Variants in USP33 observed in about 807,000 individuals in gnomAD.
USP33 encodes the protein ubiquitin specific peptidase 33, also known as ubiquitin carboxyl-terminal hydrolase 33.
A neutral mutation model predicts 124.2 loss-of-function variants in USP33; 46 were observed. The ratio of observed to expected loss-of-function variants is 0.37; its 90% confidence interval spans 0.29 to 0.47. The LOEUF (loss-of-function observed/expected upper bound fraction) is 0.47, where lower values mean the gene tolerates loss of function less well. USP33 is among the 20% of genes least tolerant of loss of function. The probability of loss-of-function intolerance (pLI) is 0.99; values close to 1 mark genes in which losing one functional copy is unlikely to be tolerated. For synonymous variants in USP33, 350 were observed against 352.3 expected, an observed-to-expected ratio of 0.99 and a Z score of 0.07; for missense variants, 851 against 1,070.6, an observed-to-expected ratio of 0.79 and a Z score of 2.86.
chr1:77,709,418 G>A (rs1674984487), intron 21 of USP33, among the ~76,000 whole-genome samples: 1 of 152,118 alleles, frequency 6.6e-6, no homozygotes, highest in Admixed American at 6.6e-5. Context: ...GGGATGCTGA[G>A]GCAGGAGGAT....
chr1:77,720,970 A>G (rs1676500500), intron 15 of USP33, among the ~76,000 whole-genome samples: 1 of 152,178 alleles, frequency 6.6e-6, no homozygotes, highest in Non-Finnish European at 1.5e-5. Flanking sequence ...ATACTCTCTC[A>G]CATCTTAATA....
chr1:77,711,896 T>G (rs995780180), intron 20 of USP33, 41 bp from the exon 21 acceptor site: 4 of 1,562,440 alleles, frequency 2.6e-6, no homozygotes, highest in African/African-American at 1.4e-5. Context: ...TCTAGGAAGT[T>G]TGTTTCTAAC....
At position 77,728,335 on chromosome 1, in the gene USP33, GTTGT is replaced by G; in HGVS notation, c.1091_1094del (p.Asn364ThrfsTer95). 1.2e-6 allele frequency: 2 copies of G among 1,605,684 alleles called. No homozygotes were observed. The highest frequency in any genetic ancestry group is 1.7e-6 in the Non-Finnish European group (2 of 1,177,418). On this transcript the variant is annotated frameshift_variant, in exon 10 of 24. Transcript: ENST00000370794. LOFTEE classifies it high-confidence loss of function. ...GTATTTGCACTTTGACAGTTTCCTGGTTGTTTAAGTCGACTGTTTCAGATATAGA... is the reference window on the plus strand; with the variant it reads ...GTATTTGCACTTTGACAGTTTCCTGGTTAAGTCGACTGTTTCAGATATAGA...
In USP33 at chr1:77,728,658, C is replaced by G; in HGVS notation, c.772G>C (p.Glu258Gln). 8 of 1,613,862 alleles carry G rather than the reference C, an allele frequency of 5.0e-6. No individual in the cohort carries two copies. Among genetic ancestry groups the G allele is most frequent in the Non-Finnish European group, 6.8e-6 (8 of 1,179,978 alleles). ...LMDLLHEELK[E>Q]QVMEVEEDPQ... ...TCTTCTTCTACTTCCATGACTTGCT[C>G]TTTCAATTCTTCATGAAGCAAATCC... Residue 258 changes from glutamate to glutamine, a missense_variant, in exon 10 of 24, where the codon GAG becomes CAG. Glu to Gln is a conservative substitution (Grantham distance 29). Coordinates refer to ENST00000370794, the MANE Select transcript of USP33 (RefSeq NM_201624.3).
intron 10 of USP33, among the ~76,000 whole-genome samples, chr1:77,726,847 T>G (rs758321698): frequency 3.9e-5 from 6 of 152,144 alleles, no homozygotes; most frequent in Non-Finnish European, 7.4e-5. Flanking sequence ...AGAATTAAAT[T>G]ATAAGATGAA....
rs558343739 is a variant in USP33 at position 77,736,246 on chromosome 1, A to C, written c.352-88T>G. ...GTAACTTATATAACATCTATACCAT[A>C]AAAATTATTGAGATGTTATTTTAAT... On this transcript the variant is annotated intron_variant, in intron 5 of 23. Coordinates refer to ENST00000370794, the MANE Select transcript of USP33 (RefSeq NM_201624.3). 2.0e-3 allele frequency: 1,442 copies of C among 738,162 alleles called. 20 individuals carry two copies. The highest frequency in any genetic ancestry group is 0.013 in the Middle Eastern group (31 of 2,424). The allele number at this position is 738,162 out of a possible 1,614,324, so 45.7% of individuals were successfully genotyped here. A position where few individuals can be genotyped will look rare whatever the true frequency, so the allele number is the denominator to read the frequency against.
intron 1 of USP33, among the ~76,000 whole-genome samples, chr1:77,753,581 C>T (rs1394116227): frequency 3.3e-5 from 5 of 151,922 alleles, no homozygotes; most frequent in South Asian, 2.1e-4. Flanking sequence ...AATAAGAGTG[C>T]CTCTCATAGA....
At chr1:77,702,802 T>C (rs1024851160) in intron 21 of USP33, among the ~76,000 whole-genome samples, 4 of 150,894 alleles carry the variant, frequency 2.7e-5, no homozygotes, top group East Asian at 1.9e-4. Flanking sequence ...CACTTGCAAT[T>C]AAAAAAAAAC....
chr1:77,726,581 G>T (rs1400735865), intron 10 of USP33, among the ~76,000 whole-genome samples: 1 of 151,692 alleles, frequency 6.6e-6, no homozygotes, highest in Non-Finnish European at 1.5e-5. Flanking sequence ...AGGAGGTTGA[G>T]GCTGTGGTGA....
chr1:77,724,090 T>C (rs1445181493), intron 11 of USP33, among the ~76,000 whole-genome samples: 2 of 152,122 alleles, frequency 1.3e-5, no homozygotes, highest in Non-Finnish European at 2.9e-5. Flanking sequence ...TTAAATGTTT[T>C]ACAAGTCAAA....
chr1:77,714,189 C>G (rs1675608280), intron 19 of USP33, among the ~76,000 whole-genome samples: 1 of 152,028 alleles, frequency 6.6e-6, no homozygotes, highest in African/African-American at 2.4e-5. Context: ...TTCATTTAGA[C>G]AATGGGGTTA....
intron 7 of USP33, among the ~76,000 whole-genome samples, 162 bp from the exon 8 acceptor site, chr1:77,730,893 A>T (rs1196842442): frequency 6.6e-6 from 1 of 152,174 alleles, no homozygotes; most frequent in Non-Finnish European, 1.5e-5. Flanking sequence ...AGCTCAATCC[A>T]TTCAAATCAG....
chr1:77,729,978 T>C, intron 8 of USP33, 40 bp from the exon 9 acceptor site: 1 of 1,535,804 alleles, frequency 6.5e-7, no homozygotes, highest in South Asian at 1.2e-5. Flanking sequence ...TTTTTGTTAT[T>C]TTTAATTTTC....
At chr1:77,758,139 C>T (rs926721073) in intron 1 of USP33, among the ~76,000 whole-genome samples, 43 of 145,526 alleles carry the variant, frequency 3.0e-4, no homozygotes, top group African/African-American at 1.1e-3. Context: ...CATATCAGGT[C>T]AAATATTTTA....
chr1:77,727,590 C>G (rs1677311497), intron 10 of USP33, among the ~76,000 whole-genome samples: 1 of 152,124 alleles, frequency 6.6e-6, no homozygotes, highest in African/African-American at 2.4e-5. Flanking sequence ...ATTCAAATAC[C>G]TAAATAAATT....
At chr1:77,756,471 C>A (rs1399465213) in intron 1 of USP33, among the ~76,000 whole-genome samples, 1 of 152,158 alleles carries the variant, frequency 6.6e-6, no homozygotes, top group African/African-American at 2.4e-5. Context: ...TGACAACTTC[C>A]CATCTCAACT....
At chr1:77,716,049 T>C (rs1320153323) in intron 17 of USP33, among the ~76,000 whole-genome samples, 181 bp from the exon 18 acceptor site, 2 of 152,270 alleles carry the variant, frequency 1.3e-5, no homozygotes, top group East Asian at 3.9e-4. Flanking sequence ...ACAGAACATG[T>C]AATTTTTTAA....
At chr1:77,746,231 C>T (rs905558972) in intron 1 of USP33, among the ~76,000 whole-genome samples, 3 of 152,142 alleles carry the variant, frequency 2.0e-5, no homozygotes, top group African/African-American at 2.4e-5. Flanking sequence ...ATACAGACTA[C>T]GATCAGAGAA....
intron 7 of USP33, among the ~76,000 whole-genome samples, chr1:77,731,251 G>T (rs1268205593): frequency 6.6e-6 from 1 of 152,158 alleles, no homozygotes; most frequent in African/African-American, 2.4e-5. Context: ...AGATTTATAT[G>T]AAATGCCCAA....
Sources: gnomAD v4.1 joint callset for allele counts (sites outside exome capture counted in the v4.1 genomes callset) on GRCh38, gnomAD v4.1.1 for gene constraint, MANE v1.5 for transcripts, NCBI Gene and HGNC (gene_info 2026-07-23, HGNC 2026-07-21) for gene names.